Variants in ESRRG observed in about 807,000 individuals in gnomAD.
ESRRG encodes the protein estrogen-related receptor gamma.
In ESRRG, 13 loss-of-function variants were observed where a neutral mutation model predicts 44.0. The ratio of observed to expected loss-of-function variants is 0.30; its 90% CI spans 0.19 to 0.47. The LOEUF is 0.47. Among genes scored for constraint, ESRRG ranks in the 20% least tolerant of loss-of-function variants. The probability of loss-of-function intolerance (pLI) is 1.00; values close to 1 mark genes in which losing one functional copy is unlikely to be tolerated. For missense variants in ESRRG, 395 were observed against 580.6 expected, an observed-to-expected ratio of 0.68 and a Z score of 3.29; for synonymous variants, 215 against 214.6, an observed-to-expected ratio of 1.00 and a Z score of -0.02.
intron 1 of ESRRG, among the ~76,000 whole-genome samples, chr1:217,083,124 C>G (rs1345935193): frequency 6.6e-6 from 1 of 152,212 alleles, no homozygotes; most frequent in Admixed American, 6.5e-5. Context: ...TGATAATACA[C>G]TATTTCACTC....
chr1:216,647,911 C>A (rs938029756), intron 3 of ESRRG, among the ~76,000 whole-genome samples: 1 of 152,128 alleles, frequency 6.6e-6, no homozygotes, highest in Non-Finnish European at 1.5e-5. Context: ...GATTCTAGAA[C>A]TAATGTTGTT....
chr1:216,745,711 G>T lies in ESRRG; in HGVS notation c.-13-68220C>A, dbSNP rs1559489391. Among the ~76,000 whole-genome samples the T allele has an allele frequency of 2.6e-5, 4 of 152,256 alleles. No individual in the cohort carries two copies. The South Asian group carries it at 8.3e-4, about 32-fold the overall frequency. On this transcript the variant is annotated intron_variant, in intron 2 of 7. Coordinates refer to the ESRRG transcript ENST00000359162. ...ATGTCAGCTCTGTGTATTACTAGGA[G>T]TTTGTCCTTGAGAAAGTTACTTAAC...
intron 2 of ESRRG, among the ~76,000 whole-genome samples, chr1:216,734,904 C>CTT (rs11309409): frequency 0.013 from 1,331 of 100,294 alleles, 48 homozygotes; most frequent in Admixed American, 0.062. Context: ...GTTCCATATT[C>CTT]TTTTTTTTTT....
intron 1 of ESRRG, among the ~76,000 whole-genome samples, chr1:216,702,608 C>CAAAAAAAAAAA (rs61361041): frequency 3.8e-5 from 5 of 132,256 alleles, no homozygotes; most frequent in African/African-American, 5.8e-5. Context: ...ACTAAAAATA[C>CAAAAAAAAAAA]AAAAAAAAAA....
At chr1:216,999,990 T>C (rs1372849063) in intron 1 of ESRRG, among the ~76,000 whole-genome samples, 1 of 152,240 alleles carries the variant, frequency 6.6e-6, no homozygotes, top group Non-Finnish European at 1.5e-5. Flanking sequence ...AGTATCAAGC[T>C]ATTGTTAATT....
chr1:216,963,115 A>T (rs2069463383), intron 1 of ESRRG, among the ~76,000 whole-genome samples: 1 of 152,176 alleles, frequency 6.6e-6, no homozygotes, highest in African/African-American at 2.4e-5. Flanking sequence ...TGCTTAAAGC[A>T]CTTTGTACAC....
rs1442178958 is a variant in ESRRG at position 216,918,843 on chromosome 1, T to G, written c.-14+20739A>C. Among the ~76,000 whole-genome samples, 9 of 148,194 alleles carry G rather than the reference T, an allele frequency of 6.1e-5. No individual in the cohort carries two copies. In the Admixed American group the frequency reaches 6.1e-4, roughly 10 times the overall value. On this transcript the variant is annotated intron_variant, in intron 2 of 7. Transcript: ENST00000359162. ...AGTAACATTTCTGATCGTAGATATA[T>G]ATATAATAATATATATATTATAGAT...
intron 3 of ESRRG, among the ~76,000 whole-genome samples, chr1:216,627,656 T>C (rs961937916): frequency 6.6e-5 from 10 of 152,316 alleles, no homozygotes; most frequent in African/African-American, 2.4e-4. Context: ...AGTGGAAACA[T>C]GTTCAATCCA....
At chr1:216,787,312 A>C (rs2094160460) in intron 2 of ESRRG, among the ~76,000 whole-genome samples, 1 of 151,268 alleles carries the variant, frequency 6.6e-6, no homozygotes, top group South Asian at 2.1e-4. Context: ...CCATTTAAAA[A>C]CCCCAAAAAA....
At chr1:216,516,668 CAG>C (rs869054150) in intron 6 of ESRRG, among the ~76,000 whole-genome samples, 5 of 137,246 alleles carry the variant, frequency 3.6e-5, no homozygotes, top group Admixed American at 7.3e-5. Context: ...CACACACACA[CAG>C]AGAGAGAGAG....
chr1:217,041,131 C>G (rs988211119), intron 1 of ESRRG, among the ~76,000 whole-genome samples: 1 of 151,972 alleles, frequency 6.6e-6, no homozygotes, highest in Admixed American at 6.6e-5. Context: ...TTAAACTAAG[C>G]ATGAAAAAAT....
chr1:216,673,612 T>C (rs1267106198), intron 2 of ESRRG, among the ~76,000 whole-genome samples: 1 of 152,248 alleles, frequency 6.6e-6, no homozygotes, highest in Non-Finnish European at 1.5e-5. Flanking sequence ...CATTTCAGCA[T>C]CCTAAAGAAT....
chr1:216,653,607 A>G (rs1162033642), intron 2 of ESRRG, among the ~76,000 whole-genome samples: 1 of 152,062 alleles, frequency 6.6e-6, no homozygotes, highest in Non-Finnish European at 1.5e-5. Flanking sequence ...TCTTAAAATT[A>G]TTTCCAAGCC....
At chr1:216,967,432 A>C (rs531660680) in intron 1 of ESRRG, among the ~76,000 whole-genome samples, 1 of 152,234 alleles carries the variant, frequency 6.6e-6, no homozygotes, top group Non-Finnish European at 1.5e-5. Context: ...ATCTTTTTTT[A>C]CTGTCTCCAT....
intron 2 of ESRRG, among the ~76,000 whole-genome samples, chr1:216,779,988 TGTTA>T: frequency 6.6e-6 from 1 of 151,908 alleles, no homozygotes; most frequent in East Asian, 1.9e-4. Flanking sequence ...GAAGCATGTT[TGTTA>T]GTTTCTTCTG....
chr1:216,966,779 C>T (rs2070471450), intron 1 of ESRRG, among the ~76,000 whole-genome samples: 1 of 152,150 alleles, frequency 6.6e-6, no homozygotes, highest in South Asian at 2.1e-4. Flanking sequence ...TTGCAAATTC[C>T]ACTGTATTAT....
chr1:216,674,851 G>T, intron 2 of ESRRG, among the ~76,000 whole-genome samples: 1 of 151,852 alleles, frequency 6.6e-6, no homozygotes, highest in East Asian at 1.9e-4. Context: ...GGCCTTAAGG[G>T]ATCCTCCAGC....
At chr1:216,993,472 T>C (rs1482508257) in intron 1 of ESRRG, among the ~76,000 whole-genome samples, 1 of 152,148 alleles carries the variant, frequency 6.6e-6, no homozygotes, top group East Asian at 1.9e-4. Context: ...AAAAGTTATA[T>C]CATTTGGAGT....
At chr1:216,827,264 A>G (rs1461905716) in intron 2 of ESRRG, among the ~76,000 whole-genome samples, 2 of 152,232 alleles carry the variant, frequency 1.3e-5, no homozygotes, top group African/African-American at 2.4e-5. Context: ...TTTTAGTGAA[A>G]AAGAAGTCTG....
Sources: allele counts gnomAD v4.1 joint callset (sites outside exome capture counted in the v4.1 genomes callset), GRCh38; gene constraint gnomAD v4.1.1; transcripts MANE v1.5; gene names NCBI Gene and HGNC (gene_info 2026-07-23, HGNC 2026-07-21).